Variants in CELF2 observed in about 807,000 individuals in gnomAD.
The protein encoded by CELF2 is CUGBP Elav-like family member 2, also known as CUG triplet repeat RNA-binding protein 2.
Under a neutral mutation model 62.6 loss-of-function variants are expected in CELF2, and 8 were observed. That is an observed-to-expected ratio of 0.13 (90% CI 0.07 to 0.23). The LOEUF is 0.23. CELF2 is among the 10% of genes least tolerant of loss of function. The pLI, the probability that CELF2 is intolerant of heterozygous loss-of-function variation, is 1.00. For synonymous variants in CELF2, 258 were observed against 250.0 expected, an observed-to-expected ratio of 1.03 and a Z score of -0.30; for missense variants, 333 against 671.0, an observed-to-expected ratio of 0.50 and a Z score of 5.56.
intron 1 of CELF2, among the ~76,000 whole-genome samples, chr10:10,854,565 A>G (rs1051049825): frequency 6.6e-6 from 1 of 152,082 alleles, no homozygotes; most frequent in Non-Finnish European, 1.5e-5. Context: ...CTTTATTGGC[A>G]TTTCCCAAAA....
At chr10:10,775,072 T>G in the CELF2 span, among the ~76,000 whole-genome samples, 4 of 152,162 alleles carry the variant, frequency 2.6e-5, no homozygotes, top group East Asian at 7.8e-4. Flanking sequence ...GAGACAGGTT[T>G]CACCATGTTG....
At chr10:11,229,948 T>G (rs2068021267) in intron 3 of CELF2, among the ~76,000 whole-genome samples, 2 of 152,180 alleles carry the variant, frequency 1.3e-5, no homozygotes, top group South Asian at 4.1e-4. Flanking sequence ...AGAACTTCTG[T>G]TAAGAGAATG....
upstream of CELF2, among the ~76,000 whole-genome samples, chr10:11,001,411 AT>A (rs2054506521): frequency 2.6e-5 from 4 of 152,202 alleles, no homozygotes; most frequent in Non-Finnish European, 5.9e-5. Context: ...GATACTTTCT[AT>A]TACTTTTGCA....
chr10:10,993,736 T>C lies in CELF2; in HGVS notation c.89+73737T>C, dbSNP rs1564327690. ...TTGGATGTTTTCAGAAAGCATTGGA[T>C]ATCGATATGGACTCAGCTGTGTTCT... On this transcript the variant is annotated intron_variant, in intron 2 of 13. Transcript: ENST00000636488. The surrounding 1 kb of genome is among the most constrained non-coding windows in gnomAD (Gnocchi z 5.3). Among the ~76,000 whole-genome samples the C allele has an allele frequency of 1.3e-5, 2 of 152,304 alleles. No individual in the cohort carries two copies. Among genetic ancestry groups the C allele is most frequent in the African/African-American group, 4.8e-5 (2 of 41,562 alleles).
At chr10:10,912,004 A>G (rs2063853914) in intron 1 of CELF2, among the ~76,000 whole-genome samples, 2 of 152,244 alleles carry the variant, frequency 1.3e-5, no homozygotes, top group Admixed American at 6.5e-5. Context: ...TTTTGAATGT[A>G]CAAACACAGG....
rs547363114 is a variant in CELF2 at position 11,330,144 on chromosome 10, C to G, written c.*1091C>G. Reference sequence around the variant, plus strand: ...GTCTGATTATTTTGTTTGTAACTTCCATTATCTAGTTTACAGTTCAGTCGT... The same window carrying G: ...GTCTGATTATTTTGTTTGTAACTTCGATTATCTAGTTTACAGTTCAGTCGT... On this transcript the variant is annotated 3_prime_UTR_variant, in exon 13 of 13. Coordinates refer to ENST00000633077, the MANE Select transcript of CELF2 (RefSeq NM_001326342.2). This position sits in a 1 kb window ranked among gnomAD's most constrained non-coding sequence, Gnocchi z 4.5. 6.6e-6 allele frequency: 1 copy of G among 152,642 alleles called. No individual in the cohort carries two copies. The highest frequency in any genetic ancestry group is 1.9e-4 in the East Asian group (1 of 5,192). 9.5% of individuals were successfully genotyped at this position (152,642 alleles called of 1,614,324 possible).
intron 1 of CELF2, among the ~76,000 whole-genome samples, chr10:11,058,081 A>C (rs1388959016): frequency 6.6e-6 from 1 of 152,092 alleles, no homozygotes; most frequent in Admixed American, 6.5e-5. Context: ...AAAAAAAAAA[A>C]AAAACGGAAT....
In CELF2 at chr10:11,025,067, C is replaced by T. The variant is rs182394682; in HGVS notation, c.74+6904C>T. 2.6e-5 allele frequency among the ~76,000 whole-genome samples: 4 copies of T among 152,208 alleles called. No individual in the cohort carries two copies. In the East Asian group the frequency reaches 7.7e-4, roughly 29 times the overall value. ...TCTCCCAAATTATGTCTTCCTTTCTCCTAGTAGCAGGAAAGTTGACCCTCA... is the reference window on the plus strand; with the variant it reads ...TCTCCCAAATTATGTCTTCCTTTCTTCTAGTAGCAGGAAAGTTGACCCTCA... On this transcript the variant is annotated intron_variant, in intron 1 of 12. Transcript: ENST00000633077.
chr10:10,635,052 A>T, the CELF2 span, among the ~76,000 whole-genome samples: 1 of 152,158 alleles, frequency 6.6e-6, no homozygotes, highest in South Asian at 2.1e-4. Context: ...CAGCAATTAA[A>T]TCCCACAAGT....
At chr10:10,628,695 G>A in the CELF2 span, among the ~76,000 whole-genome samples, 3 of 152,112 alleles carry the variant, frequency 2.0e-5, no homozygotes, top group South Asian at 2.1e-4. Flanking sequence ...TATCATTGAT[G>A]GACATTTGGG....
At chr10:10,745,124 A>C in the CELF2 span, among the ~76,000 whole-genome samples, 164 of 48,288 alleles carry the variant, frequency 3.4e-3, no homozygotes, top group Non-Finnish European at 5.6e-3. Flanking sequence ...AAAAAAAAAA[A>C]AAACAAAACA....
intron 2 of CELF2, among the ~76,000 whole-genome samples, chr10:11,209,110 TTCCTGTATCTC>T (rs1750854575): frequency 6.6e-6 from 1 of 152,204 alleles, no homozygotes; most frequent in Admixed American, 6.5e-5. Context: ...ATGCCCCTGG[TTCCTGTATCTC>T]TCAGTTGATG....
chr10:10,671,770 C>G, the CELF2 span, among the ~76,000 whole-genome samples: 1 of 151,784 alleles, frequency 6.6e-6, no homozygotes, highest in Non-Finnish European at 1.5e-5. Context: ...TGCTCTATTG[C>G]CCAGGCTGGA....
In CELF2 at chr10:11,328,776, G is replaced by A. The variant is rs1270397243; in HGVS notation, c.1439-150G>A. On this transcript the variant is annotated intron_variant, in intron 12 of 12. Transcript: ENST00000633077. This position sits in a 1 kb window ranked among gnomAD's most constrained non-coding sequence, Gnocchi z 6.4. ...GCACGCCCCATCATCCACTCACGGT[G>A]GACTCACGATCAGTTCCGCAGAGCT... 4.0e-6 allele frequency: 3 copies of A among 755,264 alleles called. No individual in the cohort carries two copies. Among genetic ancestry groups the A allele is most frequent in the Non-Finnish European group, 6.0e-6 (3 of 497,966 alleles). 46.8% of individuals were successfully genotyped at this position (755,264 alleles called of 1,614,324 possible).
intron 2 of CELF2, among the ~76,000 whole-genome samples, chr10:11,190,229 G>A (rs772799194): frequency 2.0e-5 from 3 of 152,126 alleles, no homozygotes; most frequent in Admixed American, 2.0e-4. Context: ...TTTACAGTGC[G>A]TACACAGTAG....
chr10:10,614,999 G>A, the CELF2 span, among the ~76,000 whole-genome samples: 3 of 152,044 alleles, frequency 2.0e-5, no homozygotes, highest in Admixed American at 6.5e-5. Context: ...TGGTATCCAT[G>A]GGCTTAGTTT....
At position 11,324,336 on chromosome 10, in the gene CELF2, C is replaced by T. The variant is rs1250584896; in HGVS notation, c.1295-1500C>T. Among the ~76,000 whole-genome samples the T allele has an allele frequency of 6.6e-6, 1 of 152,228 alleles. No individual in the cohort carries two copies. Among genetic ancestry groups the T allele is most frequent in the East Asian group, 1.9e-4 (1 of 5,192 alleles). On this transcript the variant is annotated intron_variant, in intron 11 of 12. Transcript: ENST00000633077. The surrounding 1 kb of genome is among the most constrained non-coding windows in gnomAD (Gnocchi z 4.7). ...GGTAGCACCAAATCTGACCATCAGA[C>T]ATACCACCCAGGATGTGCACACACA...
At chr10:10,521,810 G>A in the CELF2 span, among the ~76,000 whole-genome samples, 50 of 152,304 alleles carry the variant, frequency 3.3e-4, no homozygotes, top group African/African-American at 1.2e-3. Context: ...GTAACTCCAA[G>A]GATTCTGCGA....
chr10:11,284,519 T>TGTGGTGGGTGGATGAGGGATGAGTGA (rs2090468833), intron 8 of CELF2, among the ~76,000 whole-genome samples: 1 of 134,968 alleles, frequency 7.4e-6, no homozygotes, highest in East Asian at 2.2e-4. Context: ...GGGATGAGTG[T>TGTGGTGGGTGGATGAGGGATGAGTGA]GTGGTGGGTG....
Sources: gnomAD v4.1 joint callset for allele counts (sites outside exome capture counted in the v4.1 genomes callset) on GRCh38, gnomAD v4.1.1 for gene constraint, Gnocchi (gnomAD v3.1) non-coding constraint, MANE v1.5 for transcripts, NCBI Gene and HGNC (gene_info 2026-07-23, HGNC 2026-07-21) for gene names.